The following AGPAT4 variants were observed in gnomAD, a reference collection of about 807,000 sequenced individuals.
AGPAT4 encodes the protein 1-acyl-sn-glycerol-3-phosphate acyltransferase delta.
A neutral mutation model predicts 48.0 loss-of-function variants in AGPAT4; 15 were observed. That is an observed-to-expected ratio of 0.31 (90% CI 0.21 to 0.48). AGPAT4 has a LOEUF of 0.48. AGPAT4 is among the 20% of genes least tolerant of loss of function. The pLI is 0.99. For synonymous variants in AGPAT4, 178 were observed against 198.7 expected (o/e 0.90, Z 0.88); for missense variants, 314 against 482.5 (o/e 0.65, Z 3.27).
Position 161,135,286 on chromosome 6 carries a change from A to G in AGPAT4, c.*1254T>C, listed in dbSNP as rs1779030020. On this transcript the variant is annotated 3_prime_UTR_variant, in exon 9 of 9. Coordinates refer to ENST00000320285, the MANE Select transcript of AGPAT4 (RefSeq NM_020133.3). ...TTCCTAACTCATGCTCCAAATACCT[A>G]TCGGTCCAAGTGCCATTGGTGTCTT... The G allele has an allele frequency of 6.6e-6, 1 of 152,238 alleles. No individual in the cohort carries two copies. Among genetic ancestry groups the G allele is most frequent in the African/African-American group, 2.4e-5 (1 of 41,452 alleles). 9.4% of individuals were successfully genotyped at this position (152,238 alleles called of 1,614,324 possible).
rs1781253020 is a variant in AGPAT4 at position 161,202,059 on chromosome 6, A to G, written c.178+29977T>C. On this transcript the variant is annotated intron_variant, in intron 2 of 8. Transcript: ENST00000320285. This position sits in a 1 kb window ranked among gnomAD's most constrained non-coding sequence, Gnocchi z 5.4. ...GGAACCTGGACAAGGTGGCTCTCAT[A>G]TATACACCCAATACACACTCCTGCA... 6.6e-6 allele frequency among the ~76,000 whole-genome samples: 1 copy of G among 152,160 alleles called. No homozygotes were observed. Among genetic ancestry groups the G allele is most frequent in the South Asian group, 2.1e-4 (1 of 4,820 alleles).
Position 161,138,913 on chromosome 6 carries a change from C to T in AGPAT4, c.1042+509G>A, listed in dbSNP as rs1452144185. 6.6e-6 allele frequency among the ~76,000 whole-genome samples: 1 copy of T among 152,062 alleles called. No homozygotes were observed. Among genetic ancestry groups the T allele is most frequent in the Non-Finnish European group, 1.5e-5 (1 of 68,010 alleles). On this transcript the variant is annotated intron_variant, in intron 8 of 8. Coordinates refer to ENST00000320285, the MANE Select transcript of AGPAT4 (RefSeq NM_020133.3). This position sits in a 1 kb window ranked among gnomAD's most constrained non-coding sequence, Gnocchi z 4.8. Reference sequence around the variant, plus strand: ...AGAAGCAGCAGTAGCCCGAGAATACCGGTCACCTGGAGCCAGCGCAGACCC... The same window carrying T: ...AGAAGCAGCAGTAGCCCGAGAATACTGGTCACCTGGAGCCAGCGCAGACCC...
rs1374055862 is a variant in AGPAT4 at position 161,198,888 on chromosome 6, ATAT to A, written c.179-32474_179-32472del. Among the ~76,000 whole-genome samples, 2 of 152,202 alleles carry A rather than the reference ATAT, an allele frequency of 1.3e-5. No individual in the cohort carries two copies. The highest frequency in any genetic ancestry group is 4.8e-5 in the African/African-American group (2 of 41,454). The stretch of plus-strand genomic sequence containing the variant: ...TCTTGTTTATATGATCCACGATTCT[ATAT>A]TTTAAACTCCAGAAACTCCTCAAAT... On this transcript the variant is annotated intron_variant, in intron 2 of 8. Transcript: ENST00000320285. This position sits in a 1 kb window ranked among gnomAD's most constrained non-coding sequence, Gnocchi z 4.3.
chr6:161,256,949 T>C (rs1346685615), intron 1 of AGPAT4, among the ~76,000 whole-genome samples: 2 of 152,204 alleles, frequency 1.3e-5, no homozygotes, highest in Non-Finnish European at 2.9e-5. Context: ...TGGCATCACG[T>C]TGGAGACGCC....
At chr6:161,136,866 A>C (rs957252503) in intron 8 of AGPAT4, among the ~76,000 whole-genome samples, 10 of 152,142 alleles carry the variant, frequency 6.6e-5, no homozygotes. Context: ...TCCTCCTTGG[A>C]CCCTGAAGGT....
chr6:161,140,802 A>G lies in AGPAT4; in HGVS notation c.844-1182T>C, dbSNP rs1376031788. 6.6e-6 allele frequency among the ~76,000 whole-genome samples: 1 copy of G among 152,208 alleles called. No homozygotes were observed. Among genetic ancestry groups the G allele is most frequent in the African/African-American group, 2.4e-5 (1 of 41,436 alleles). On this transcript the variant is annotated intron_variant, in intron 7 of 8. Coordinates refer to ENST00000320285, the MANE Select transcript of AGPAT4 (RefSeq NM_020133.3). This position sits in a 1 kb window ranked among gnomAD's most constrained non-coding sequence, Gnocchi z 6.5. ...ACCAGGCAGCCACAGGGAATTGCCC[A>G]GGTTGTATGGTGGGCAGCTGCCTCA...
chr6:161,179,868 T>G (rs765557762), intron 2 of AGPAT4, among the ~76,000 whole-genome samples: 2 of 152,236 alleles, frequency 1.3e-5, no homozygotes, highest in Non-Finnish European at 2.9e-5. Flanking sequence ...CTGTTTGTTA[T>G]TGGTAAGGCT....
rs573185478 is a variant in AGPAT4 at position 161,245,524 on chromosome 6, G to A, written c.-89-13222C>T. On this transcript the variant is annotated intron_variant, in intron 1 of 8. Coordinates refer to ENST00000320285, the MANE Select transcript of AGPAT4 (RefSeq NM_020133.3). This position sits in a 1 kb window ranked among gnomAD's most constrained non-coding sequence, Gnocchi z 5.2. ...TAGAGCTCAGAGGAAGCACTCTGCT[G>A]CCTCTATAGTGGCCACAGGAGCTTA... Among the ~76,000 whole-genome samples the A allele has an allele frequency of 1.3e-5, 2 of 152,328 alleles. No homozygotes were observed. The highest frequency in any genetic ancestry group is 1.3e-4 in the Admixed American group (2 of 15,298).
Position 161,146,672 on chromosome 6 carries a change from C to G in AGPAT4, c.768-73G>C. On this transcript the variant is annotated intron_variant, in intron 6 of 8. Transcript: ENST00000320285. This position sits in a 1 kb window ranked among gnomAD's most constrained non-coding sequence, Gnocchi z 7.1. ...CAACATACAGTTTCCAGTAACGGTG[C>G]TGCCGTTTTTTGTTTTTATCTGGGT... is the stretch of plus-strand genomic sequence containing the variant. 6.8e-7 allele frequency: 1 copy of G among 1,463,570 alleles called. No homozygotes were observed. Among genetic ancestry groups the G allele is most frequent in the Non-Finnish European group, 9.5e-7 (1 of 1,049,496 alleles). The allele number at this position is 1,463,570 out of a possible 1,614,324, so 90.7% of individuals were successfully genotyped here.
chr6:161,174,553 T>C (rs569066666), intron 2 of AGPAT4, among the ~76,000 whole-genome samples: 88 of 151,982 alleles, frequency 5.8e-4, no homozygotes, highest in African/African-American at 2.0e-3. Context: ...TGGGCTGAGA[T>C]GATGGGGTTT....
chr6:161,133,289 C>G lies in AGPAT4; in HGVS notation c.*3251G>C, dbSNP rs1326464375. 6.6e-6 allele frequency: 1 copy of G among 152,208 alleles called. No homozygotes were observed. Among genetic ancestry groups the G allele is most frequent in the African/African-American group, 2.4e-5 (1 of 41,446 alleles). 9.4% of individuals were successfully genotyped at this position (152,208 alleles called of 1,614,324 possible). A position where few individuals can be genotyped will look rare whatever the true frequency, so the allele number is the denominator to read the frequency against. ...TGGACAATTAATGACATTTAAATCA[C>G]TGTCCCACATATGGATATATTAGAA... On this transcript the variant is annotated 3_prime_UTR_variant, in exon 9 of 9. Coordinates refer to ENST00000320285, the MANE Select transcript of AGPAT4 (RefSeq NM_020133.3).
chr6:161,151,500 C>T (rs1779592147), intron 5 of AGPAT4, among the ~76,000 whole-genome samples: 1 of 152,198 alleles, frequency 6.6e-6, no homozygotes, highest in Admixed American at 6.5e-5. Flanking sequence ...GACACGTAGC[C>T]CTGCAAGCTG....
At chr6:161,199,665 C>T (rs1253511976) in intron 2 of AGPAT4, among the ~76,000 whole-genome samples, 1 of 152,112 alleles carries the variant, frequency 6.6e-6, no homozygotes, top group African/African-American at 2.4e-5. Flanking sequence ...TGGATTTCCC[C>T]CTTGCTGTTC....
rs59346751 is a variant in AGPAT4, at chr6:161,231,653, T to C, written c.178+383A>G. 9.3e-3 allele frequency among the ~76,000 whole-genome samples: 1,416 copies of C among 152,322 alleles called. 27 individuals are homozygous for C. Among genetic ancestry groups the C allele is most frequent in the African/African-American group, 0.032 (1,349 of 41,560 alleles). ...TTTTAAAAAAAAATACGTATGTATA[T>C]GTATCTATATAGATATATACACAGA... On this transcript the variant is annotated intron_variant, in intron 2 of 8. Transcript: ENST00000320285. The surrounding 1 kb of genome is among the most constrained non-coding windows in gnomAD (Gnocchi z 5.3).
chr6:161,154,204 C>T lies in AGPAT4; in HGVS notation c.455G>A (p.Arg152His), dbSNP rs1006582804. Reference sequence around the variant, plus strand: ...CTGCAAACTGGTGGCAACCGTCTTGCGATCCTGCTCCCACTTGCGCGAACA... The same window carrying T: ...CTGCAAACTGGTGGCAACCGTCTTGTGATCCTGCTCCCACTTGCGCGAACA... Reference protein sequence around the residue: ...VFCSRKWEQDRKTVATSLQHL... With the variant: ...VFCSRKWEQDHKTVATSLQHL... The change falls in exon 4 of 9, where the codon CGC becomes CAC. Residue 152 changes from arginine (R) to histidine (H), a missense_variant. Coordinates refer to ENST00000320285, the MANE Select transcript of AGPAT4 (RefSeq NM_020133.3). The surrounding 1 kb of genome is among the most constrained non-coding windows in gnomAD (Gnocchi z 7.8). 1.9e-6 allele frequency: 3 copies of T among 1,613,952 alleles called. No homozygotes were observed. Among genetic ancestry groups the T allele is most frequent in the Admixed American group, 1.7e-5 (1 of 59,996 alleles).
At position 161,195,631 on chromosome 6, in the gene AGPAT4, G is replaced by T. The variant is rs1781048155; in HGVS notation, c.179-29214C>A. On this transcript the variant is annotated intron_variant, in intron 2 of 8. Transcript: ENST00000320285. The surrounding 1 kb of genome is among the most constrained non-coding windows in gnomAD (Gnocchi z 5.0). ...TCATGTGATCAAAGCTGCAGAAGGAGAAAGAGACCTTGCATCAGGCTGTGT... is the reference window on the plus strand; with the variant it reads ...TCATGTGATCAAAGCTGCAGAAGGATAAAGAGACCTTGCATCAGGCTGTGT... 6.6e-6 allele frequency among the ~76,000 whole-genome samples: 1 copy of T among 152,230 alleles called. No individual in the cohort carries two copies.
Position 161,161,595 on chromosome 6 carries a change from A to G in AGPAT4, c.348+4653T>C, listed in dbSNP as rs1410589411. On this transcript the variant is annotated intron_variant, in intron 3 of 8. Coordinates refer to ENST00000320285, the MANE Select transcript of AGPAT4 (RefSeq NM_020133.3). This position sits in a 1 kb window ranked among gnomAD's most constrained non-coding sequence, Gnocchi z 4.6. ...GCAAGACCACCCTACAGAGCTGACA[A>G]AACCATGGCGGTGGGCATATCTGCT... 4.9e-6 allele frequency: 2 copies of G among 412,230 alleles called. No individual in the cohort carries two copies. The highest frequency in any genetic ancestry group is 4.1e-5 in the African/African-American group (2 of 48,962). 25.5% of individuals were successfully genotyped at this position (412,230 alleles called of 1,614,324 possible). A position where few individuals can be genotyped will look rare whatever the true frequency, so the allele number is the denominator to read the frequency against.
rs1782875820 is a variant in AGPAT4 at position 161,254,072 on chromosome 6, T to C, written c.-90+19866A>G. On this transcript the variant is annotated intron_variant, in intron 1 of 8. Coordinates refer to ENST00000320285, the MANE Select transcript of AGPAT4 (RefSeq NM_020133.3). This position sits in a 1 kb window ranked among gnomAD's most constrained non-coding sequence, Gnocchi z 5.9. ...TGGATGTTTGGGGTTAGTGAGATAA[T>C]AGGAAATACTCATTTTCTTCTTTAT... Among the ~76,000 whole-genome samples the C allele has an allele frequency of 6.6e-6, 1 of 152,174 alleles. No individual in the cohort carries two copies. Among genetic ancestry groups the C allele is most frequent in the African/African-American group, 2.4e-5 (1 of 41,418 alleles).
rs1779023126 is a variant in AGPAT4 at position 161,135,092 on chromosome 6, A to G, written c.*1448T>C. 1 of 139,402 alleles carries G rather than the reference A, an allele frequency of 7.2e-6. No individual in the cohort carries two copies. The highest frequency in any genetic ancestry group is 1.6e-5 in the Non-Finnish European group (1 of 63,876). The allele number at this position is 139,402 out of a possible 1,614,324, so 8.6% of individuals were successfully genotyped here. A position where few individuals can be genotyped will look rare whatever the true frequency, so the allele number is the denominator to read the frequency against. The stretch of plus-strand genomic sequence containing the variant: ...CCTTGGCTTACCTAGTTTGGTTGAT[A>G]AACAATGACTAAATGAGCAAATAGC... On this transcript the variant is annotated 3_prime_UTR_variant, in exon 9 of 9. Transcript: ENST00000320285.
Sources: allele counts gnomAD v4.1 joint callset (sites outside exome capture counted in the v4.1 genomes callset), GRCh38; gene constraint gnomAD v4.1.1; non-coding constraint Gnocchi (gnomAD v3.1); transcripts MANE v1.5; gene names NCBI Gene and HGNC (gene_info 2026-07-23, HGNC 2026-07-21).